Variants in CGN observed in about 807,000 individuals in gnomAD.
CGN encodes cingulin.
CGN carries 121 observed loss-of-function variants against 157.1 expected under a neutral mutation model. The ratio of observed to expected loss-of-function variants is 0.77; its 90% CI spans 0.66 to 0.90. CGN has a LOEUF of 0.90. Ranked by LOEUF, CGN falls within the 40% of genes least tolerant of loss-of-function variation. The pLI, the probability that CGN is intolerant of heterozygous loss-of-function variation, is 0.00. For missense variants in CGN, 1,424 were observed against 1,520.9 expected (o/e 0.94, Z 1.06); for synonymous variants, 535 against 607.5 (o/e 0.88, Z 1.76).
intron 13 of CGN, 47 bp from the exon 14 acceptor site, chr1:151,532,355 A>G (rs1258435873): frequency 7.3e-7 from 1 of 1,377,256 alleles, no homozygotes; most frequent in Non-Finnish European, 9.6e-7. Flanking sequence ...GGGCCTGGAG[A>G]GGGTCATTTA....
intron 11 of CGN, 47 bp downstream of exon 11, chr1:151,529,606 C>G (rs372632890): frequency 9.7e-6 from 15 of 1,538,504 alleles, no homozygotes; most frequent in Non-Finnish European, 1.2e-5. Flanking sequence ...CTGAGGGTGT[C>G]TGGAGGGCTG....
chr1:151,511,435 TGCCCGAGCCCGA>T lies in CGN; in HGVS notation c.-58_-47del, dbSNP rs71090182. On this transcript the variant is annotated 5_prime_UTR_variant, in exon 1 of 21. Coordinates refer to ENST00000271636, the MANE Select transcript of CGN (RefSeq NM_020770.3). This position sits in a 1 kb window ranked among gnomAD's most constrained non-coding sequence, Gnocchi z 4.8. ...AGGGCCGGAGCTGCGCGTGCTGCTT[TGCCCGAGCCCGA>T]GCCCGAGCCCGAGCCCGAGCCCGAG... is the stretch of plus-strand genomic sequence containing the variant. 4.5e-3 allele frequency: 676 copies of T among 150,394 alleles called. 3 individuals carry two copies. Among genetic ancestry groups the T allele is most frequent in the South Asian group, 9.4e-3 (57 of 6,032 alleles). 9.3% of individuals were successfully genotyped at this position (150,394 alleles called of 1,614,324 possible). A position where few individuals can be genotyped will look rare whatever the true frequency, so the allele number is the denominator to read the frequency against.
At position 151,529,232 on chromosome 1, in the gene CGN, C is replaced by G. The variant is rs942105165; in HGVS notation, c.1897-118C>G. The G allele has an allele frequency of 2.7e-5, 21 of 778,408 alleles. No individual in the cohort carries two copies. In the Middle Eastern group the frequency reaches 9.9e-4, roughly 37 times the overall value. 48.2% of individuals were successfully genotyped at this position (778,408 alleles called of 1,614,324 possible). ...TTTTGAGAAACTGCCAAACTACTTT[C>G]CAAAGTGGCCACATCAGTTTTTATT... On this transcript the variant is annotated intron_variant, in intron 10 of 20. Coordinates refer to ENST00000271636, the MANE Select transcript of CGN (RefSeq NM_020770.3).
chr1:151,536,741 G>A lies in CGN; in HGVS notation c.3318G>A (p.Arg1106=), dbSNP rs766667609. ...VNDQKDQLSL[R]VKALKRQVDE... ...GGTATCCTGCCCAGCTAAGCCTGAG[G>A]GTGAAGGCTTTGAAGCGTCAGGTGG... The change falls in exon 20 of 21, where the codon AGG becomes AGA. Residue 1106 remains arginine (R), a synonymous_variant. Coordinates refer to ENST00000271636, the MANE Select transcript of CGN (RefSeq NM_020770.3). 1.9e-6 allele frequency: 3 copies of A among 1,613,968 alleles called. No homozygotes were observed. The highest frequency in any genetic ancestry group is 1.1e-5 in the South Asian group (1 of 91,084).
chr1:151,511,474 C>A lies in CGN; in HGVS notation c.-56C>A. 1 of 190,604 alleles carries A rather than the reference C, an allele frequency of 5.2e-6. No individual in the cohort carries two copies. The allele number at this position is 190,604 out of a possible 1,614,324, so 11.8% of individuals were successfully genotyped here. ...CCCGAGCCCGAGCCCGAGCCCGAGC[C>A]CGAGCCCGAACGCAAGCCTGGGAGC... is the stretch of plus-strand genomic sequence containing the variant. On this transcript the variant is annotated 5_prime_UTR_variant, in exon 1 of 21. Transcript: ENST00000271636. This position sits in a 1 kb window ranked among gnomAD's most constrained non-coding sequence, Gnocchi z 4.8.
intron 16 of CGN, 24 bp from the exon 17 acceptor site, chr1:151,535,576 G>A (rs754364289): frequency 6.3e-6 from 10 of 1,594,276 alleles, no homozygotes; most frequent in Admixed American, 1.7e-5. Flanking sequence ...CCCCAAGTCT[G>A]GTCCTCTCAC....
Position 151,520,741 on chromosome 1 carries a change from G to T in CGN, c.1140+50G>T, listed in dbSNP as rs182897647. 2.4e-4 allele frequency: 355 copies of T among 1,502,912 alleles called. 2 individuals are homozygous for T. In the East Asian group the frequency reaches 4.9e-3, roughly 21 times the overall value. The allele number at this position is 1,502,912 out of a possible 1,614,324, so 93.1% of individuals were successfully genotyped here. ...AGGCATGAAGGAAAACAGGGAAAAA[G>T]CCTTGGCCTGGAGATGGGCTGAGCT... On this transcript the variant is annotated intron_variant, in intron 5 of 20. Transcript: ENST00000271636.
At position 151,511,674 on chromosome 1, in the gene CGN, CTGAT is replaced by C. The variant is rs1490999726; in HGVS notation, c.-15+161_-15+164del. 4.6e-5 allele frequency among the ~76,000 whole-genome samples: 7 copies of C among 152,068 alleles called. No individual in the cohort carries two copies. Among genetic ancestry groups the C allele is most frequent in the Non-Finnish European group, 1.0e-4 (7 of 67,988 alleles). ...GGGGAGATTGGGGCGGGGTGGGGTA[CTGAT>C]TAAGAGCCGACCCCTACCCTGAGGT... On this transcript the variant is annotated intron_variant, in intron 1 of 20. Coordinates refer to ENST00000271636, the MANE Select transcript of CGN (RefSeq NM_020770.3). The surrounding 1 kb of genome is among the most constrained non-coding windows in gnomAD (Gnocchi z 4.8).
rs1391710857 is a variant in CGN, at chr1:151,520,661, G to A, written c.1110G>A (p.Glu370=). Residue 370 remains glutamate, a synonymous_variant, in exon 5 of 21, where the codon GAG becomes GAA. Coordinates refer to ENST00000271636, the MANE Select transcript of CGN (RefSeq NM_020770.3). ...GTGAGCTTACCCGAAAAGTGGAGGA[G>A]CTACAGCGAAAGCTGGATGAAGAGG... ...GQGELTRKVE[E]LQRKLDEEVK... 6.2e-7 allele frequency: 1 copy of A among 1,614,060 alleles called. No homozygotes were observed. Among genetic ancestry groups the A allele is most frequent in the Admixed American group, 1.7e-5 (1 of 59,988 alleles).
At position 151,537,387 on chromosome 1, in the gene CGN, A is replaced by G; in HGVS notation, c.*41A>G. 1.3e-6 allele frequency: 2 copies of G among 1,593,200 alleles called. No individual in the cohort carries two copies. Among genetic ancestry groups the G allele is most frequent in the African/African-American group, 1.3e-5 (1 of 74,618 alleles). ...GACTCAGAAACCAGGCTCGAGGCCT[A>G]TCCCAGCAAGTGCTGCTCTGCTCTG... On this transcript the variant is annotated 3_prime_UTR_variant, in exon 21 of 21. Coordinates refer to ENST00000271636, the MANE Select transcript of CGN (RefSeq NM_020770.3).
In CGN at chr1:151,525,623, C is replaced by A; in HGVS notation, c.1615-19C>A. The A allele has an allele frequency of 6.5e-7, 1 of 1,545,842 alleles. No homozygotes were observed. Among genetic ancestry groups the A allele is most frequent in the South Asian group, 1.2e-5 (1 of 81,524 alleles). On this transcript the variant is annotated intron_variant, in intron 8 of 20. Coordinates refer to ENST00000271636, the MANE Select transcript of CGN (RefSeq NM_020770.3). The stretch of plus-strand genomic sequence containing the variant: ...TCTTCCCTCTGAGCCTTCTGGTGTC[C>A]AACTCTCCCCTTCTCTAGGACCATG...
At position 151,537,183 on chromosome 1, in the gene CGN, A is replaced by G. The variant is rs200112974; in HGVS notation, c.3471-22A>G. Reference sequence around the variant, plus strand: ...TATTTCTATTTTCCCCTCCCCAACCATTATTCTTCTCTCTGAGTCAGGCGC... The same window carrying G: ...TATTTCTATTTTCCCCTCCCCAACCGTTATTCTTCTCTCTGAGTCAGGCGC... On this transcript the variant is annotated intron_variant, in intron 20 of 20. Transcript: ENST00000271636. The G allele has an allele frequency of 7.7e-4, 1,228 of 1,603,618 alleles. 2 individuals carry two copies. In the African/African-American group the frequency reaches 0.014, roughly 19 times the overall value.
In CGN at chr1:151,511,911, G is replaced by A. The variant is rs767662749; in HGVS notation, c.-15+396G>A. 7.9e-5 allele frequency among the ~76,000 whole-genome samples: 12 copies of A among 152,158 alleles called. No homozygotes were observed. The highest frequency in any genetic ancestry group is 1.5e-4 in the Non-Finnish European group (10 of 68,022). On this transcript the variant is annotated intron_variant, in intron 1 of 20. Transcript: ENST00000271636. The surrounding 1 kb of genome is among the most constrained non-coding windows in gnomAD (Gnocchi z 4.8). ...CTGCTGCTGCCTGAGGTGCAGACTC[G>A]CCAGGGGAGGGCATCTGCAGGTGCT...
Position 151,514,911 on chromosome 1 carries a change from T to C in CGN, c.-15+3396T>C, listed in dbSNP as rs531470127. 9.8e-5 allele frequency among the ~76,000 whole-genome samples: 15 copies of C among 152,306 alleles called. No individual in the cohort carries two copies. The South Asian group carries it at 1.4e-3, about 15-fold the overall frequency. ...TAGCATGTGTGAAGGATGATATTTG[T>C]TGTCAGCTTTGTGATAGTCACATGC... On this transcript the variant is annotated intron_variant, in intron 1 of 20. Transcript: ENST00000271636.
At chr1:151,535,206 C>A in intron 16 of CGN, 75 bp downstream of exon 16, 2 of 1,123,238 alleles carry the variant, frequency 1.8e-6, no homozygotes, top group Non-Finnish European at 2.7e-6. Flanking sequence ...ACAACTCTAC[C>A]CTCCCATCTT....
At chr1:151,517,063 C>T (rs911569199) in intron 1 of CGN, among the ~76,000 whole-genome samples, 6 of 151,816 alleles carry the variant, frequency 4.0e-5, no homozygotes, top group Non-Finnish European at 8.8e-5. Context: ...GAGGCTGAGG[C>T]AGGAGAATTG....
At position 151,524,463 on chromosome 1, in the gene CGN, A is replaced by G. The variant is rs1237189409; in HGVS notation, c.1401+105A>G. On this transcript the variant is annotated intron_variant, in intron 7 of 20. Transcript: ENST00000271636. This position sits in a 1 kb window ranked among gnomAD's most constrained non-coding sequence, Gnocchi z 4.4. ...CCAAAGTATGAGGAGTGGGTGGCTG[A>G]TTACAGGTACTCAGTGTGCTTTCAG... 2.0e-6 allele frequency: 3 copies of G among 1,512,438 alleles called. No homozygotes were observed. Among genetic ancestry groups the G allele is most frequent in the Non-Finnish European group, 2.7e-6 (3 of 1,109,764 alleles). The allele number at this position is 1,512,438 out of a possible 1,614,324, so 93.7% of individuals were successfully genotyped here.
chr1:151,515,163 C>T (rs909295392), intron 1 of CGN, among the ~76,000 whole-genome samples: 1 of 151,900 alleles, frequency 6.6e-6, no homozygotes, highest in African/African-American at 2.4e-5. Context: ...CCACCACGCA[C>T]AGCTAATTTT....
upstream of CGN, chr1:151,511,314 G>A (rs7516233): frequency 0.97 from 148,126 of 153,162 alleles, 71,850 homozygotes; most frequent in East Asian, 1. The surrounding 1 kb of genome is among the most constrained non-coding windows in gnomAD (Gnocchi z 4.8). Flanking sequence ...GGGGAAAGGC[G>A]GGGCGGGCAC....
Sources: allele counts gnomAD v4.1 joint callset (sites outside exome capture counted in the v4.1 genomes callset), GRCh38; gene constraint gnomAD v4.1.1; non-coding constraint Gnocchi (gnomAD v3.1); transcripts MANE v1.5; gene names NCBI Gene and HGNC (gene_info 2026-07-23, HGNC 2026-07-21).